The following RBFOX3 variants were observed in gnomAD, a reference collection of about 807,000 sequenced individuals.
RBFOX3 encodes the protein RNA binding fox-1 homolog 3.
Under a neutral mutation model 48.7 loss-of-function variants are expected in RBFOX3, and 17 were observed. The observed-to-expected ratio is 0.35, with a 90% CI of 0.24 to 0.52. The LOEUF (loss-of-function observed/expected upper bound fraction) is 0.52. Among genes scored for constraint, RBFOX3 ranks in the 20% least tolerant of loss-of-function variants. The pLI is 0.94. For synonymous variants in RBFOX3, 212 were observed against 209.5 expected, an observed-to-expected ratio of 1.01 and a Z score of -0.10; for missense variants, 382 against 497.5, an observed-to-expected ratio of 0.77 and a Z score of 2.21.
rs1055891351 is a variant in RBFOX3 at position 79,249,900 on chromosome 17, T to C, written c.-73-14095A>G. Among the ~76,000 whole-genome samples the C allele has an allele frequency of 6.6e-6, 1 of 152,158 alleles. No individual in the cohort carries two copies. Among genetic ancestry groups the C allele is most frequent in the African/African-American group, 2.4e-5 (1 of 41,426 alleles). Reference sequence around the variant, plus strand: ...TTACCCCATTAAAACAAATTCCAGGTATCCTTAGATCCCCACCAGCCTCAC... The same window carrying C: ...TTACCCCATTAAAACAAATTCCAGGCATCCTTAGATCCCCACCAGCCTCAC... On this transcript the variant is annotated intron_variant, in intron 3 of 14. Coordinates refer to ENST00000693108, the MANE Select transcript of RBFOX3 (RefSeq NM_001350451.2). The surrounding 1 kb of genome is among the most constrained non-coding windows in gnomAD (Gnocchi z 4.1).
At chr17:79,211,242 C>T (rs1386227900) in intron 4 of RBFOX3, among the ~76,000 whole-genome samples, 1 of 152,182 alleles carries the variant, frequency 6.6e-6, no homozygotes. Context: ...CTGTGGCTTC[C>T]GTCGTGGGGA....
At chr17:79,367,610 T>C (rs1598404861) in intron 2 of RBFOX3, among the ~76,000 whole-genome samples, 1 of 152,130 alleles carries the variant, frequency 6.6e-6, no homozygotes, top group African/African-American at 2.4e-5. Context: ...TCAGATTTAC[T>C]CCCAGCCAGT....
At chr17:79,595,809 C>A (rs1044839754) in intron 1 of RBFOX3, among the ~76,000 whole-genome samples, 32 of 152,314 alleles carry the variant, frequency 2.1e-4, no homozygotes, top group African/African-American at 7.0e-4. Flanking sequence ...ATTGTGAAGC[C>A]CAATCTGCCA....
In RBFOX3 at chr17:79,418,326, G is replaced by A. The variant is rs113931152; in HGVS notation, c.-175+64128C>T. Among the ~76,000 whole-genome samples, 413 of 152,232 alleles carry A rather than the reference G, an allele frequency of 2.7e-3. 2 individuals are homozygous for A. Among genetic ancestry groups the A allele is most frequent in the African/African-American group, 9.1e-3 (379 of 41,536 alleles). Reference sequence around the variant, plus strand: ...CTTGCACACCCACCCATGCACACGCGTGCACACACGTTTCCCACACTAAAA... The same window carrying A: ...CTTGCACACCCACCCATGCACACGCATGCACACACGTTTCCCACACTAAAA... On this transcript the variant is annotated intron_variant, in intron 2 of 14. Transcript: ENST00000693108. The surrounding 1 kb of genome is among the most constrained non-coding windows in gnomAD (Gnocchi z 5.0).
At chr17:79,609,884 G>A (rs1182317973) in intron 1 of RBFOX3, among the ~76,000 whole-genome samples, 2 of 151,980 alleles carry the variant, frequency 1.3e-5, no homozygotes, top group African/African-American at 4.8e-5. Flanking sequence ...CTTCCCGAGC[G>A]TGCGAGCCCA....
intron 4 of RBFOX3, among the ~76,000 whole-genome samples, chr17:79,168,769 T>C (rs868709032): frequency 6.6e-6 from 1 of 152,232 alleles, no homozygotes; most frequent in Non-Finnish European, 1.5e-5. Flanking sequence ...CCAGTGTGTT[T>C]GGGAACATGG....
At chr17:79,620,114 TATGCACAC>T in the RBFOX3 span, among the ~76,000 whole-genome samples, 3 of 132,194 alleles carry the variant, frequency 2.3e-5, no homozygotes, top group African/African-American at 1.1e-4. Flanking sequence ...CATGCACGCA[TATGCACAC>T]ATACACACAT....
intron 1 of RBFOX3, among the ~76,000 whole-genome samples, chr17:79,486,573 C>T (rs2079640453): frequency 6.6e-6 from 1 of 152,146 alleles, no homozygotes; most frequent in Non-Finnish European, 1.5e-5. Context: ...ACAGACGGGC[C>T]ATCCTGGACC....
At chr17:79,317,446 T>C (rs981139241) in intron 2 of RBFOX3, among the ~76,000 whole-genome samples, 4 of 152,216 alleles carry the variant, frequency 2.6e-5, no homozygotes, top group African/African-American at 9.6e-5. Flanking sequence ...GGTTCACCTG[T>C]GGGGCTCAGG....
upstream of RBFOX3, among the ~76,000 whole-genome samples, chr17:79,611,509 G>A (rs925119481): frequency 2.6e-5 from 4 of 152,070 alleles, no homozygotes; most frequent in Non-Finnish European, 5.9e-5. Context: ...GCAGCCCCAA[G>A]CCCGCTGCCC....
chr17:79,623,176 CA>C, the RBFOX3 span, among the ~76,000 whole-genome samples: 14 of 152,194 alleles, frequency 9.2e-5, no homozygotes, highest in Admixed American at 2.0e-4. Context: ...TCCCCATCTA[CA>C]GATGAAGAAA....
chr17:79,137,983 T>C (rs1046018158), intron 4 of RBFOX3, among the ~76,000 whole-genome samples: 7 of 152,292 alleles, frequency 4.6e-5, no homozygotes, highest in East Asian at 3.9e-4. Flanking sequence ...CATGTGCACA[T>C]GTGTGCTTGC....
At position 79,311,690 on chromosome 17, in the gene RBFOX3, C is replaced by A. The variant is rs962626839; in HGVS notation, c.-174-3866G>T. On this transcript the variant is annotated intron_variant, in intron 2 of 14. Transcript: ENST00000693108. The surrounding 1 kb of genome is among the most constrained non-coding windows in gnomAD (Gnocchi z 4.2). The stretch of plus-strand genomic sequence containing the variant: ...TCTGGGGTCTCTCGCAGGTTGGGCT[C>A]CTGGAGCTGACTCTGTCCATCAACA... 3.9e-5 allele frequency among the ~76,000 whole-genome samples: 6 copies of A among 152,112 alleles called. No homozygotes were observed. Among genetic ancestry groups the A allele is most frequent in the Non-Finnish European group, 8.8e-5 (6 of 68,028 alleles).
At position 79,249,432 on chromosome 17, in the gene RBFOX3, G is replaced by A. The variant is rs535316107; in HGVS notation, c.-73-13627C>T. On this transcript the variant is annotated intron_variant, in intron 3 of 14. Coordinates refer to ENST00000693108, the MANE Select transcript of RBFOX3 (RefSeq NM_001350451.2). The surrounding 1 kb of genome is among the most constrained non-coding windows in gnomAD (Gnocchi z 4.1). Reference sequence around the variant, plus strand: ...CATCTGAAGCCTTGCTGGCCCTGGGGAGACGGCTCCTCCCAAAGTAGCAGA... The same window carrying A: ...CATCTGAAGCCTTGCTGGCCCTGGGAAGACGGCTCCTCCCAAAGTAGCAGA... Among the ~76,000 whole-genome samples, 1 of 152,090 alleles carries A rather than the reference G, an allele frequency of 6.6e-6. No homozygotes were observed. The highest frequency in any genetic ancestry group is 1.5e-5 in the Non-Finnish European group (1 of 68,030).
At chr17:79,261,012 C>T (rs569219588) in intron 3 of RBFOX3, among the ~76,000 whole-genome samples, 43 of 152,268 alleles carry the variant, frequency 2.8e-4, no homozygotes, top group African/African-American at 6.0e-4. Flanking sequence ...GTCCTGGGGC[C>T]GGGGCCTCTC....
chr17:79,190,569 CT>C lies in RBFOX3; in HGVS notation c.-34+45196del, dbSNP rs139579498. On this transcript the variant is annotated intron_variant, in intron 4 of 14. Coordinates refer to ENST00000693108, the MANE Select transcript of RBFOX3 (RefSeq NM_001350451.2). Reference sequence around the variant, plus strand: ...CAAAGCCTTCAGAGACACGTGCTCTCTTTTTTTTCCCCTTGAAGCTCTCCAC... The same window carrying C: ...CAAAGCCTTCAGAGACACGTGCTCTCTTTTTTTCCCCTTGAAGCTCTCCAC... 6.0e-3 allele frequency among the ~76,000 whole-genome samples: 917 copies of C among 152,178 alleles called. 3 individuals carry two copies. Among genetic ancestry groups the C allele is most frequent in the Middle Eastern group, 0.024 (7 of 294 alleles).
rs145706676 is a variant in RBFOX3 at position 79,280,728 on chromosome 17, A to G, written c.-74+26996T>C. 8.3e-3 allele frequency among the ~76,000 whole-genome samples: 1,262 copies of G among 152,118 alleles called. 9 individuals are homozygous for G. The highest frequency in any genetic ancestry group is 0.014 in the Middle Eastern group (4 of 292). ...CAGGCGGGGCTGGCATCCTCCTATC[A>G]AAGCTGAGCACAATGAACCGAAGCA... On this transcript the variant is annotated intron_variant, in intron 3 of 14. Transcript: ENST00000693108.
At chr17:79,446,768 T>A (rs1172890028) in intron 2 of RBFOX3, among the ~76,000 whole-genome samples, 1 of 113,170 alleles carries the variant, frequency 8.8e-6, no homozygotes, top group African/African-American at 2.6e-5. Context: ...GGGGCAGCCC[T>A]GCTCTGCAGG....
At chr17:79,144,592 G>C (rs879532888) in intron 4 of RBFOX3, among the ~76,000 whole-genome samples, 3 of 152,182 alleles carry the variant, frequency 2.0e-5, no homozygotes, top group Non-Finnish European at 4.4e-5. Flanking sequence ...CCGCAGACCT[G>C]AAGCCAAGCC....
Sources: allele counts gnomAD v4.1 joint callset (sites outside exome capture counted in the v4.1 genomes callset), GRCh38; gene constraint gnomAD v4.1.1; non-coding constraint Gnocchi (gnomAD v3.1); transcripts MANE v1.5; gene names NCBI Gene and HGNC (gene_info 2026-07-23, HGNC 2026-07-21).